Variants in NAALADL2 observed in about 807,000 individuals in gnomAD.
NAALADL2 encodes inactive N-acetylated-alpha-linked acidic dipeptidase-like protein 2.
In NAALADL2, 76 loss-of-function variants were observed where a neutral mutation model predicts 87.2. The observed-to-expected ratio is 0.87, with a 90% CI of 0.72 to 1.05. The LOEUF is 1.05. Among genes scored for constraint, NAALADL2 ranks in the 50% least tolerant of loss-of-function variants. The pLI is 0.00. For synonymous variants in NAALADL2, 354 were observed against 331.0 expected (o/e 1.07, Z -0.75); for missense variants, 1,089 against 945.8 (o/e 1.15, Z -1.99).
intron 1 of NAALADL2, among the ~76,000 whole-genome samples, chr3:175,071,243 A>G (rs1414604443): frequency 6.6e-6 from 1 of 152,142 alleles, no homozygotes; most frequent in African/African-American, 2.4e-5. Context: ...GTTTTGGTGT[A>G]AAGAATGTTT....
At chr3:175,702,497 G>A (rs1026294019) in intron 11 of NAALADL2, among the ~76,000 whole-genome samples, 1 of 152,058 alleles carries the variant, frequency 6.6e-6, no homozygotes, top group Non-Finnish European at 1.5e-5. Flanking sequence ...AAGAATCACT[G>A]CCTACAAAGT....
intron 5 of NAALADL2, among the ~76,000 whole-genome samples, chr3:175,419,763 G>T (rs1715338807): frequency 6.6e-6 from 1 of 151,950 alleles, no homozygotes; most frequent in Admixed American, 6.6e-5. Context: ...AAAAAAGTGA[G>T]AAGAGTGTTA....
intron 3 of NAALADL2, among the ~76,000 whole-genome samples, chr3:174,841,938 T>A (rs1403254114): frequency 1.3e-5 from 2 of 152,198 alleles, no homozygotes; most frequent in African/African-American, 4.8e-5. Flanking sequence ...TGTTAAACAA[T>A]TAATCGTTAT....
At chr3:174,986,317 A>G (rs1745876690) in intron 1 of NAALADL2, among the ~76,000 whole-genome samples, 1 of 148,236 alleles carries the variant, frequency 6.7e-6, no homozygotes, top group East Asian at 2.0e-4. Flanking sequence ...TACACAATAT[A>G]TATATACAAT....
At chr3:175,664,193 C>T (rs1385609731) in intron 11 of NAALADL2, among the ~76,000 whole-genome samples, 3 of 151,998 alleles carry the variant, frequency 2.0e-5, no homozygotes, top group Non-Finnish European at 4.4e-5. Context: ...CATCAGTGTG[C>T]TAGATTTAAA....
At chr3:175,528,555 A>G (rs754487832) in intron 9 of NAALADL2, among the ~76,000 whole-genome samples, 1 of 152,126 alleles carries the variant, frequency 6.6e-6, no homozygotes, top group Non-Finnish European at 1.5e-5. Context: ...AATCAAGTTG[A>G]CACTCAGTAT....
At chr3:174,914,438 T>C (rs1734109300) in intron 1 of NAALADL2, among the ~76,000 whole-genome samples, 2 of 152,190 alleles carry the variant, frequency 1.3e-5, no homozygotes, top group African/African-American at 4.8e-5. Context: ...ACAGAGGGTA[T>C]GGACTTGGGA....
chr3:175,187,000 G>A (rs1233714892), intron 2 of NAALADL2, among the ~76,000 whole-genome samples: 1 of 151,986 alleles, frequency 6.6e-6, no homozygotes, highest in Non-Finnish European at 1.5e-5. Context: ...TTCATTTTCT[G>A]TCTTTTATTT....
At chr3:175,764,980 T>C (rs780329602) in intron 13 of NAALADL2, among the ~76,000 whole-genome samples, 19 of 152,138 alleles carry the variant, frequency 1.2e-4, no homozygotes, top group Non-Finnish European at 2.6e-4. Flanking sequence ...TTTAGTGAGG[T>C]GTGGGTGGTC....
chr3:175,673,943 AAG>A (rs1409966513), intron 11 of NAALADL2, among the ~76,000 whole-genome samples: 2 of 152,042 alleles, frequency 1.3e-5, no homozygotes, highest in Admixed American at 6.5e-5. Flanking sequence ...TTATATTAAG[AAG>A]AGTTATATTT....
At position 175,428,202 on chromosome 3, in the gene NAALADL2, C is replaced by T. The variant is rs192294738; in HGVS notation, c.1091-19027C>T. Among the ~76,000 whole-genome samples the T allele has an allele frequency of 8.4e-4, 128 of 152,216 alleles. 1 individual carries two copies. In the Middle Eastern group the frequency reaches 0.01, roughly 12 times the overall value. ...GAGTACTTGATGGCATACAGCTTGA[C>T]TTCTGTACCTTGACTTCTGTACAGT... On this transcript the variant is annotated intron_variant, in intron 5 of 13. Coordinates refer to ENST00000454872, the MANE Select transcript of NAALADL2 (RefSeq NM_207015.3).
intron 10 of NAALADL2, among the ~76,000 whole-genome samples, chr3:175,620,731 C>T (rs988773336): frequency 2.0e-5 from 3 of 152,160 alleles, no homozygotes; most frequent in African/African-American, 7.2e-5. Flanking sequence ...GTACATGTTG[C>T]CGCTCTCTTC....
intron 2 of NAALADL2, among the ~76,000 whole-genome samples, chr3:174,656,591 A>G (rs1242390181): frequency 1.3e-5 from 2 of 152,126 alleles, no homozygotes; most frequent in Non-Finnish European, 2.9e-5. Flanking sequence ...TTTCACCATT[A>G]CTTTTTTTGT....
At chr3:175,718,773 A>C (rs1741763430) in intron 11 of NAALADL2, 2 of 852,214 alleles carry the variant, frequency 2.3e-6, no homozygotes, top group Non-Finnish European at 3.6e-6. Flanking sequence ...AAATGTATTT[A>C]AAAATTAGCC....
In NAALADL2 at chr3:175,539,354, A is replaced by G. The variant is rs148455010; in HGVS notation, c.1654-36687A>G. Reference sequence around the variant, plus strand: ...TTAAATAGAATCTGTTTATACCTCCAAAAATCTATTTTTATTGACAGTTAC... The same window carrying G: ...TTAAATAGAATCTGTTTATACCTCCGAAAATCTATTTTTATTGACAGTTAC... On this transcript the variant is annotated intron_variant, in intron 9 of 13. Transcript: ENST00000454872. 1.6e-4 allele frequency among the ~76,000 whole-genome samples: 25 copies of G among 152,324 alleles called. 1 individual carries two copies. The highest frequency in any genetic ancestry group is 4.6e-4 in the Admixed American group (7 of 15,296).
intron 3 of NAALADL2, among the ~76,000 whole-genome samples, chr3:174,805,391 C>T (rs1719346861): frequency 1.3e-5 from 2 of 151,788 alleles, no homozygotes; most frequent in South Asian, 2.1e-4. Flanking sequence ...GTTTTTTGTT[C>T]TTTTTTTTGT....
chr3:174,822,236 A>T (rs903016943), intron 3 of NAALADL2, among the ~76,000 whole-genome samples: 4 of 151,924 alleles, frequency 2.6e-5, no homozygotes, highest in Admixed American at 2.6e-4. Context: ...GAGCGGATAG[A>T]CCCTGAGTGG....
chr3:175,577,166 C>T (rs1719022824), intron 10 of NAALADL2, among the ~76,000 whole-genome samples: 1 of 152,106 alleles, frequency 6.6e-6, no homozygotes, highest in African/African-American at 2.4e-5. Context: ...GAGATGGAAG[C>T]CCTGACTCTG....
chr3:174,983,606 T>TC (rs1391644261), intron 1 of NAALADL2, among the ~76,000 whole-genome samples: 1 of 152,134 alleles, frequency 6.6e-6, no homozygotes, highest in African/African-American at 2.4e-5. Flanking sequence ...GGCTGTGTCC[T>TC]CACATGGTGG....
Sources: allele counts gnomAD v4.1 joint callset (sites outside exome capture counted in the v4.1 genomes callset), GRCh38; gene constraint gnomAD v4.1.1; transcripts MANE v1.5; gene names NCBI Gene and HGNC (gene_info 2026-07-23, HGNC 2026-07-21).